Variants in GULP1 observed in about 807,000 individuals in gnomAD.
GULP1 encodes GULP PTB domain containing engulfment adaptor 1.
A neutral mutation model predicts 40.9 loss-of-function variants in GULP1; 19 were observed. That is an observed-to-expected ratio of 0.46 (90% CI 0.32 to 0.68). GULP1 has a LOEUF of 0.68. Among genes scored for constraint, GULP1 ranks in the 30% least tolerant of loss-of-function variants. The pLI is 0.03. For synonymous variants in GULP1, 119 were observed against 117.6 expected (o/e 1.01, Z -0.08); for missense variants, 312 against 362.2 (o/e 0.86, Z 1.12).
Position 188,522,837 on chromosome 2 carries a change from G to A in GULP1, c.162+10G>A. 6.4e-7 allele frequency: 1 copy of A among 1,557,776 alleles called. No homozygotes were observed. Among genetic ancestry groups the A allele is most frequent in the Non-Finnish European group, 8.9e-7 (1 of 1,129,360 alleles). On this transcript the variant is annotated intron_variant, in intron 5 of 11. Transcript: ENST00000409830. ...TGTAAGGAAACTAAAGGTAGGGAAAGGCCTTCAAATAAATTACAAGTGTAT... is the reference window on the plus strand; with the variant it reads ...TGTAAGGAAACTAAAGGTAGGGAAAAGCCTTCAAATAAATTACAAGTGTAT...
At chr2:188,394,789 G>T (rs987680849) in intron 2 of GULP1, among the ~76,000 whole-genome samples, 1 of 152,114 alleles carries the variant, frequency 6.6e-6, no homozygotes, top group Non-Finnish European at 1.5e-5. Context: ...GCTTCCAGGG[G>T]TGAAGTCTCT....
intron 4 of GULP1, among the ~76,000 whole-genome samples, chr2:188,489,784 T>A (rs2062188362): frequency 6.6e-6 from 1 of 152,068 alleles, no homozygotes. Flanking sequence ...TGGTGTTTTT[T>A]ATGCCAAAAA....
chr2:188,436,625 A>C (rs1440040894), intron 2 of GULP1, among the ~76,000 whole-genome samples: 2 of 152,062 alleles, frequency 1.3e-5, no homozygotes, highest in African/African-American at 4.8e-5. Context: ...GAGACATTAA[A>C]ATTTGTATTA....
At chr2:188,404,067 G>A (rs913067364) in intron 2 of GULP1, among the ~76,000 whole-genome samples, 2 of 152,068 alleles carry the variant, frequency 1.3e-5, no homozygotes. Context: ...AATAAAGTAA[G>A]TAGAGTGCAA....
At chr2:188,458,429 T>C (rs961205896) in intron 2 of GULP1, among the ~76,000 whole-genome samples, 2 of 152,188 alleles carry the variant, frequency 1.3e-5, no homozygotes, top group African/African-American at 4.8e-5. Flanking sequence ...TGAGTTTCTC[T>C]ACTTCCTTTC....
At chr2:188,302,956 G>C (rs2036405195) in intron 1 of GULP1, among the ~76,000 whole-genome samples, 1 of 152,092 alleles carries the variant, frequency 6.6e-6, no homozygotes, top group East Asian at 1.9e-4. Context: ...ATTTGAAGTT[G>C]AGCCTAATTT....
intron 1 of GULP1, among the ~76,000 whole-genome samples, chr2:188,306,526 A>G (rs1428662999): frequency 2.0e-5 from 3 of 152,200 alleles, no homozygotes; most frequent in African/African-American, 7.2e-5. Flanking sequence ...ATTTCTTGGT[A>G]GAAAGCAATG....
At chr2:188,374,628 T>C (rs528146540) in intron 1 of GULP1, among the ~76,000 whole-genome samples, 1 of 152,306 alleles carries the variant, frequency 6.6e-6, no homozygotes, top group Admixed American at 6.5e-5. Flanking sequence ...TTGTATTTTC[T>C]TTATTTTAAC....
chr2:188,294,392 A>G (rs2105856378), intron 1 of GULP1: 1 of 152,348 alleles, frequency 6.6e-6, no homozygotes, highest in Non-Finnish European at 1.5e-5. Context: ...AAGAAGTAAA[A>G]GGTGAGATGA....
chr2:188,400,479 G>A (rs573143044), intron 2 of GULP1, among the ~76,000 whole-genome samples: 1 of 152,236 alleles, frequency 6.6e-6, no homozygotes, highest in South Asian at 2.1e-4. Flanking sequence ...GGTAAGAGGT[G>A]GAGAGGAGAG....
At chr2:188,323,411 T>C (rs2040280412) in intron 1 of GULP1, among the ~76,000 whole-genome samples, 1 of 152,030 alleles carries the variant, frequency 6.6e-6, no homozygotes, top group Admixed American at 6.6e-5. Flanking sequence ...TTCTTTTATA[T>C]TCTAGGGACT....
intron 2 of GULP1, among the ~76,000 whole-genome samples, chr2:188,410,777 G>C (rs950356770): frequency 6.6e-6 from 1 of 152,150 alleles, no homozygotes; most frequent in Non-Finnish European, 1.5e-5. Context: ...GTCTGTGGGA[G>C]TTCACTCAGG....
At chr2:188,499,355 A>G (rs2063214196) in intron 4 of GULP1, among the ~76,000 whole-genome samples, 1 of 151,088 alleles carries the variant, frequency 6.6e-6, no homozygotes, top group South Asian at 2.1e-4. Context: ...AATAGCAAAG[A>G]TCATCATTAT....
chr2:188,355,800 G>C (rs567529888), intron 1 of GULP1, among the ~76,000 whole-genome samples: 1 of 151,860 alleles, frequency 6.6e-6, no homozygotes, highest in Non-Finnish European at 1.5e-5. Context: ...CCAGTATTTT[G>C]AACTGAATTC....
At chr2:188,525,730 G>A (rs1232387790) in intron 5 of GULP1, among the ~76,000 whole-genome samples, 2 of 152,120 alleles carry the variant, frequency 1.3e-5, no homozygotes, top group East Asian at 1.9e-4. Context: ...AAAGTTACAC[G>A]AAATTACTGC....
chr2:188,386,895 C>A (rs7597930), intron 2 of GULP1, among the ~76,000 whole-genome samples: 8,151 of 152,218 alleles, frequency 0.054, 732 homozygotes, highest in African/African-American at 0.18. Flanking sequence ...TTCTTTCTCA[C>A]ATCTATTCAG....
chr2:188,293,434 A>G (rs1289930520), intron 1 of GULP1, among the ~76,000 whole-genome samples: 5 of 152,244 alleles, frequency 3.3e-5, no homozygotes, highest in African/African-American at 1.2e-4. Flanking sequence ...TTCTAGGACT[A>G]GCAGGAGACA....
chr2:188,412,733 A>T (rs2054068758), intron 2 of GULP1, among the ~76,000 whole-genome samples: 1 of 152,138 alleles, frequency 6.6e-6, no homozygotes, highest in African/African-American at 2.4e-5. Flanking sequence ...AACTTTGCAA[A>T]ATTATTTGAG....
chr2:188,324,384 A>G (rs1190049728), intron 1 of GULP1, among the ~76,000 whole-genome samples: 1 of 152,120 alleles, frequency 6.6e-6, no homozygotes, highest in Non-Finnish European at 1.5e-5. Flanking sequence ...GTGAACATAT[A>G]AAATGCCCAT....
Sources: allele counts gnomAD v4.1 joint callset (sites outside exome capture counted in the v4.1 genomes callset), GRCh38; gene constraint gnomAD v4.1.1; transcripts MANE v1.5; gene names NCBI Gene and HGNC (gene_info 2026-07-23, HGNC 2026-07-21).